Variants in KCNIP4 observed in about 807,000 individuals in gnomAD.
KCNIP4 encodes Kv channel-interacting protein 4.
In KCNIP4, 12 loss-of-function variants were observed where a neutral mutation model predicts 34.0. The observed-to-expected ratio is 0.35, with a 90% CI of 0.23 to 0.57. The LOEUF (loss-of-function observed/expected upper bound fraction) is 0.57. KCNIP4 is among the 20% of genes least tolerant of loss of function. The pLI, the probability that KCNIP4 is intolerant of heterozygous loss-of-function variation, is 0.83. For synonymous variants in KCNIP4, 124 were observed against 102.2 expected (o/e 1.21, Z -1.29); for missense variants, 238 against 311.7 (o/e 0.76, Z 1.78).
At chr4:21,527,738 T>C (rs2108964722) in intron 1 of KCNIP4, among the ~76,000 whole-genome samples, 1 of 152,300 alleles carries the variant, frequency 6.6e-6, no homozygotes, top group East Asian at 1.9e-4. Flanking sequence ...AAAACTGATT[T>C]GTATAATCAC....
chr4:21,774,445 T>C (rs1719037385), intron 1 of KCNIP4, among the ~76,000 whole-genome samples: 1 of 152,098 alleles, frequency 6.6e-6, no homozygotes, highest in East Asian at 1.9e-4. Context: ...TGTATCTTAA[T>C]GGTGTTCTCT....
intron 1 of KCNIP4, among the ~76,000 whole-genome samples, chr4:20,973,418 A>G (rs1306891054): frequency 6.6e-6 from 1 of 152,184 alleles, no homozygotes; most frequent in Non-Finnish European, 1.5e-5. Flanking sequence ...GTTCTGGGTT[A>G]AGTTTTGAAT....
At chr4:21,045,682 G>C (rs1450583318) in intron 1 of KCNIP4, among the ~76,000 whole-genome samples, 3 of 152,174 alleles carry the variant, frequency 2.0e-5, no homozygotes, top group African/African-American at 7.2e-5. Context: ...CAAAGTCATA[G>C]CTCTCCAGTA....
intron 1 of KCNIP4, among the ~76,000 whole-genome samples, chr4:21,248,437 T>C (rs2162081): frequency 0.23 from 35,703 of 152,078 alleles, 6,508 homozygotes; most frequent in African/African-American, 0.5. Context: ...TTCGCACGGA[T>C]TTGCTAATTG....
rs188165531 is a variant in KCNIP4, at chr4:21,763,464, T to C, written c.61+185107A>G. 3.2e-4 allele frequency among the ~76,000 whole-genome samples: 49 copies of C among 152,284 alleles called. No homozygotes were observed. The East Asian group carries it at 9.3e-3, about 29-fold the overall frequency. ...CTGGATAGAATTTTGAACATGATTC[T>C]ACTGGCTAATAAAAACAACAATGTC... On this transcript the variant is annotated intron_variant, in intron 1 of 8. Coordinates refer to ENST00000382152, the MANE Select transcript of KCNIP4 (RefSeq NM_025221.6).
At chr4:20,790,377 A>T (rs181297967) in intron 3 of KCNIP4, among the ~76,000 whole-genome samples, 72 of 152,270 alleles carry the variant, frequency 4.7e-4, no homozygotes, top group African/African-American at 1.6e-3. Context: ...AAATTTATTT[A>T]AAAAATATAT....
intron 1 of KCNIP4, among the ~76,000 whole-genome samples, chr4:20,980,293 A>G (rs960135633): frequency 1.3e-5 from 2 of 152,226 alleles, no homozygotes; most frequent in Non-Finnish European, 2.9e-5. Flanking sequence ...GTTAGAATTC[A>G]ATATGACAAG....
intron 8 of KCNIP4, among the ~76,000 whole-genome samples, chr4:20,730,761 C>T (rs987679785): frequency 2.0e-5 from 3 of 152,124 alleles, no homozygotes; most frequent in African/African-American, 7.2e-5. Context: ...TTAGCATATT[C>T]TTTAGAAATG....
rs76563062 is a variant in KCNIP4 at position 21,895,658 on chromosome 4, C to T, written c.61+52913G>A. 6.2e-3 allele frequency among the ~76,000 whole-genome samples: 949 copies of T among 152,212 alleles called. 5 individuals carry two copies. The highest frequency in any genetic ancestry group is 0.01 in the Non-Finnish European group (706 of 68,002). Reference sequence around the variant, plus strand: ...TAATATATTTTGGGTTTCATTAGGCCTGCAAAAGTAAGGTAAGTATCTATA... The same window carrying T: ...TAATATATTTTGGGTTTCATTAGGCTTGCAAAAGTAAGGTAAGTATCTATA... On this transcript the variant is annotated intron_variant, in intron 1 of 8. Coordinates refer to ENST00000382152, the MANE Select transcript of KCNIP4 (RefSeq NM_025221.6).
intron 1 of KCNIP4, among the ~76,000 whole-genome samples, chr4:21,825,550 T>C (rs1350663116): frequency 6.6e-6 from 1 of 152,156 alleles, no homozygotes; most frequent in African/African-American, 2.4e-5. Flanking sequence ...ATAATTAGAA[T>C]GGTTTCCACA....
intron 1 of KCNIP4, among the ~76,000 whole-genome samples, chr4:21,226,785 T>C (rs997540573): frequency 4.6e-5 from 7 of 152,192 alleles, no homozygotes; most frequent in African/African-American, 1.7e-4. Context: ...TGAGGTGTAG[T>C]GAAAATTGTT....
chr4:21,837,546 A>AAAGAAAAAAC (rs1723421909), intron 1 of KCNIP4, among the ~76,000 whole-genome samples: 1 of 135,430 alleles, frequency 7.4e-6, no homozygotes, highest in Non-Finnish European at 1.7e-5. Context: ...AAAAAAAAAA[A>AAAGAAAAAAC]AGAAAAAGAA....
Position 20,898,617 on chromosome 4 carries a change from G to A in KCNIP4, c.62-15908C>T, listed in dbSNP as rs535816129. ...CCACCAGATAGTAAATTCCTTGAGGGCAGAGGTTTTTGTGCTTTTACTGCT... is the reference window on the plus strand; with the variant it reads ...CCACCAGATAGTAAATTCCTTGAGGACAGAGGTTTTTGTGCTTTTACTGCT... On this transcript the variant is annotated intron_variant, in intron 1 of 8. Coordinates refer to ENST00000382152, the MANE Select transcript of KCNIP4 (RefSeq NM_025221.6). Among the ~76,000 whole-genome samples, 3 of 152,256 alleles carry A rather than the reference G, an allele frequency of 2.0e-5. No homozygotes were observed. The South Asian group carries it at 6.2e-4, about 32-fold the overall frequency.
At chr4:21,111,626 C>A (rs184648104) in intron 1 of KCNIP4, among the ~76,000 whole-genome samples, 1 of 152,250 alleles carries the variant, frequency 6.6e-6, no homozygotes, top group Non-Finnish European at 1.5e-5. Flanking sequence ...TCAGTGATGC[C>A]CCAAAGAGGC....
intron 1 of KCNIP4, among the ~76,000 whole-genome samples, chr4:21,765,133 G>A (rs571369252): frequency 1.3e-5 from 2 of 149,056 alleles, no homozygotes; most frequent in Non-Finnish European, 3.0e-5. Flanking sequence ...ATGGCTTTTT[G>A]TCATTGTTTT....
At chr4:21,553,381 G>A (rs1446711432) in intron 1 of KCNIP4, among the ~76,000 whole-genome samples, 1 of 152,122 alleles carries the variant, frequency 6.6e-6, no homozygotes, top group African/African-American at 2.4e-5. Context: ...AATACCGGCT[G>A]TAATAATTGC....
chr4:21,313,633 A>G (rs1201603909), intron 1 of KCNIP4, among the ~76,000 whole-genome samples: 2 of 152,256 alleles, frequency 1.3e-5, no homozygotes, highest in African/African-American at 4.8e-5. Flanking sequence ...ACTGAAAAGA[A>G]AAATTATCCT....
At chr4:21,455,414 C>A (rs1728841989) in intron 1 of KCNIP4, among the ~76,000 whole-genome samples, 1 of 151,976 alleles carries the variant, frequency 6.6e-6, no homozygotes, top group Admixed American at 6.6e-5. Flanking sequence ...GATCTATGAG[C>A]TACTAAAATC....
intron 1 of KCNIP4, among the ~76,000 whole-genome samples, chr4:21,584,090 T>C (rs114212886): frequency 0.022 from 3,397 of 152,110 alleles, 136 homozygotes; most frequent in African/African-American, 0.077. Context: ...GCATAGCCCA[T>C]GGTTAGCTAC....
Sources: allele counts gnomAD v4.1 joint callset (sites outside exome capture counted in the v4.1 genomes callset), GRCh38; gene constraint gnomAD v4.1.1; transcripts MANE v1.5; gene names NCBI Gene and HGNC (gene_info 2026-07-23, HGNC 2026-07-21).